The following ASZ1 variants were observed in gnomAD, a reference collection of about 807,000 sequenced individuals.
The protein encoded by ASZ1 is ankyrin repeat, SAM and basic leucine zipper domain-containing protein 1.
Under a neutral mutation model 61.8 loss-of-function variants are expected in ASZ1, and 67 were observed. That is an observed-to-expected ratio of 1.08 (90% CI 0.89 to 1.33). The LOEUF (loss-of-function observed/expected upper bound fraction) is 1.33, where lower values mean the gene tolerates loss of function less well. Among genes scored for constraint, ASZ1 ranks in the 40% most tolerant of loss-of-function variants. The probability of loss-of-function intolerance (pLI) is 0.00; values close to 1 mark genes in which losing one functional copy is unlikely to be tolerated. For synonymous variants in ASZ1, 193 were observed against 192.7 expected (o/e 1.00, Z -0.01); for missense variants, 577 against 554.5 (o/e 1.04, Z -0.41).
At chr7:117,377,999 T>G (rs567645028) in intron 10 of ASZ1, among the ~76,000 whole-genome samples, 1 of 150,844 alleles carries the variant, frequency 6.6e-6, no homozygotes, top group East Asian at 2.0e-4. Context: ...AAAAAAAAAA[T>G]GAACCTCAGC....
At chr7:117,370,077 G>A (rs1185076746) in intron 10 of ASZ1, among the ~76,000 whole-genome samples, 1 of 152,124 alleles carries the variant, frequency 6.6e-6, no homozygotes. Context: ...CCAGTAAGTG[G>A]TAGAAAATGG....
chr7:117,382,106 T>C lies in ASZ1; in HGVS notation c.851A>G (p.His284Arg), dbSNP rs554383492. 2.5e-6 allele frequency: 4 copies of C among 1,600,172 alleles called. No individual in the cohort carries two copies. The highest frequency in any genetic ancestry group is 2.2e-5 in the East Asian group (1 of 44,656). ...TGTCATATGTTCAAGTCCAAGACCATGTAAAAATACTTCCAGATCTCCAAA... is the reference window on the plus strand; with the variant it reads ...TGTCATATGTTCAAGTCCAAGACCACGTAAAAATACTTCCAGATCTCCAAA... ...TAFGDLEVFL[H>R]GLGLEHMTDL... The change falls in exon 8 of 13, where the codon CAT (histidine) becomes CGT (arginine). Residue 284 changes from histidine (H) to arginine (R), a missense_variant. Transcript: ENST00000284629.
chr7:117,406,381 C>T (rs1796782321), intron 4 of ASZ1, among the ~76,000 whole-genome samples: 1 of 151,916 alleles, frequency 6.6e-6, no homozygotes, highest in South Asian at 2.1e-4. Flanking sequence ...ATGAAGAGAG[C>T]CATAAAGATG....
At chr7:117,367,280 T>G in intron 12 of ASZ1, 72 bp downstream of exon 12, 1 of 1,175,548 alleles carries the variant, frequency 8.5e-7, no homozygotes, top group East Asian at 3.1e-5. Context: ...CAGAACTGCT[T>G]CATTGTCTAA....
chr7:117,402,947 G>A (rs74855164), intron 4 of ASZ1, among the ~76,000 whole-genome samples: 3,192 of 54,968 alleles, frequency 0.058, 112 homozygotes, highest in African/African-American at 0.22. Flanking sequence ...TGCAGTTTGT[G>A]AGGTAGAAAA....
At chr7:117,420,327 T>G in intron 3 of ASZ1, 53 bp from the exon 4 acceptor site, 1 of 1,302,428 alleles carries the variant, frequency 7.7e-7, no homozygotes, top group South Asian at 1.2e-5. Context: ...GAGCATCTAT[T>G]CGATGTCTTT....
Position 117,363,715 on chromosome 7 carries a change from T to C in ASZ1, c.1309A>G (p.Ile437Val), listed in dbSNP as rs1795874060. 6.3e-7 allele frequency: 1 copy of C among 1,593,458 alleles called. No individual in the cohort carries two copies. Among genetic ancestry groups the C allele is most frequent in the Non-Finnish European group, 8.5e-7 (1 of 1,169,910 alleles). ...GTAGATACTTCTTCCCTTAATTGTA[T>C]ATGAGTTGGATCATTTTCCCGTTCA... Reference protein sequence around the residue: ...QNERENDPTHIQLREEVSTWN... With the variant: ...QNERENDPTHVQLREEVSTWN... The change falls in exon 13 of 13, where the codon ATA becomes GTA. Residue 437 changes from isoleucine to valine, a missense_variant. Transcript: ENST00000284629.
At chr7:117,426,488 CAA>C (rs10625452) in intron 2 of ASZ1, among the ~76,000 whole-genome samples, 6 of 34,014 alleles carry the variant, frequency 1.8e-4, no homozygotes, top group Admixed American at 4.0e-4. Context: ...GATAACATCT[CAA>C]AAAAAAAAAA....
intron 4 of ASZ1, among the ~76,000 whole-genome samples, chr7:117,387,056 T>C (rs532358761): frequency 1.3e-5 from 2 of 151,048 alleles, no homozygotes; most frequent in African/African-American, 2.4e-5. Flanking sequence ...ATCTTACCAC[T>C]TGGGGGGCTA....
chr7:117,426,788 C>G, intron 2 of ASZ1, 48 bp downstream of exon 2: 5 of 1,474,822 alleles, frequency 3.4e-6, no homozygotes, highest in Non-Finnish European at 4.6e-6. Context: ...AGAATCCTTG[C>G]GAACTTAAGA....
At chr7:117,425,255 A>ATTTTTTTT (rs1004795019) in intron 2 of ASZ1, among the ~76,000 whole-genome samples, 4 of 86,730 alleles carry the variant, frequency 4.6e-5, no homozygotes, top group African/African-American at 1.2e-4. Flanking sequence ...CCTTTGAGTA[A>ATTTTTTTT]TTTCTTTTTT....
chr7:117,383,424 C>A (rs1384921694), intron 6 of ASZ1, among the ~76,000 whole-genome samples: 1 of 151,722 alleles, frequency 6.6e-6, no homozygotes, highest in African/African-American at 2.4e-5. Flanking sequence ...ACATCTAATT[C>A]AAAATAGTAA....
chr7:117,415,065 C>T (rs944161159), intron 4 of ASZ1, among the ~76,000 whole-genome samples: 2 of 152,184 alleles, frequency 1.3e-5, no homozygotes, highest in African/African-American at 4.8e-5. Flanking sequence ...GGAATCGCCA[C>T]ACTGTCCTCC....
In ASZ1 at chr7:117,422,252, C is replaced by T; in HGVS notation, c.313G>A (p.Ala105Thr). The change falls in exon 3 of 13, where the codon GCA becomes ACA. Residue 105 changes from alanine to threonine, a missense_variant. Physicochemically the swap from Ala to Thr is moderately conservative, Grantham distance 58. Transcript: ENST00000284629. ...AACATCTTACCCTTCTCAAAGCTTGCATTAGCACCTCTGTCCAAAAGGACC... is the reference window on the plus strand; with the variant it reads ...AACATCTTACCCTTCTCAAAGCTTGTATTAGCACCTCTGTCCAAAAGGACC... ...VRVLLDRGAN[A>T]SFEKDKQSIL... 6.2e-7 allele frequency: 1 copy of T among 1,613,636 alleles called. No homozygotes were observed.
chr7:117,422,584 G>A (rs2116539926), intron 2 of ASZ1, among the ~76,000 whole-genome samples: 1 of 152,276 alleles, frequency 6.6e-6, no homozygotes, highest in African/African-American at 2.4e-5. Context: ...AGACTGATAT[G>A]ACTGATGTTT....
At position 117,383,258 on chromosome 7, in the gene ASZ1, T is replaced by A. The variant is rs189682770; in HGVS notation, c.688-148A>T. The A allele has an allele frequency of 9.8e-4, 925 of 941,310 alleles. 6 individuals carry two copies. The African/African-American group carries it at 0.012, about 12-fold the overall frequency. The allele number at this position is 941,310 out of a possible 1,614,324, so 58.3% of individuals were successfully genotyped here. ...GATGTTTCACAATTTACTACCCTGATAACAACTTTTAAAAAAATGATATAT... is the reference window on the plus strand; with the variant it reads ...GATGTTTCACAATTTACTACCCTGAAAACAACTTTTAAAAAAATGATATAT... On this transcript the variant is annotated intron_variant, in intron 6 of 12. Coordinates refer to ENST00000284629, the MANE Select transcript of ASZ1 (RefSeq NM_130768.3).
intron 11 of ASZ1, chr7:117,367,687 T>G: frequency 1.0e-6 from 1 of 996,526 alleles, no homozygotes; most frequent in Non-Finnish European, 1.2e-6. Flanking sequence ...TATAACTTTC[T>G]ATATGGAGAT....
chr7:117,420,213 CTTCAAGATCTG>C lies in ASZ1; in HGVS notation c.379_389del (p.Gln127ValfsTer11), dbSNP rs764437275. ...TTCTTGAAAGTAGTAGTTCTACACA[CTTCAAGATCTG>C]TTCCTCTGAGCCATGAGCAGAACAT... On this transcript the variant is annotated frameshift_variant, in exon 4 of 13. Transcript: ENST00000284629. LOFTEE classifies it high-confidence loss of function. 1 of 1,612,680 alleles carries C rather than the reference CTTCAAGATCTG, an allele frequency of 6.2e-7. No individual in the cohort carries two copies. Among genetic ancestry groups the C allele is most frequent in the Non-Finnish European group, 8.5e-7 (1 of 1,179,698 alleles).
chr7:117,412,410 T>C (rs1361641088), intron 4 of ASZ1, among the ~76,000 whole-genome samples: 1 of 151,910 alleles, frequency 6.6e-6, no homozygotes, highest in Non-Finnish European at 1.5e-5. Context: ...AGCAAAGATA[T>C]GTCACACATT....
Sources: allele counts gnomAD v4.1 joint callset (sites outside exome capture counted in the v4.1 genomes callset), GRCh38; gene constraint gnomAD v4.1.1; transcripts MANE v1.5; gene names NCBI Gene and HGNC (gene_info 2026-07-23, HGNC 2026-07-21).